SMIM23: variants seen among roughly 807,000 people sequenced by gnomAD.
The protein encoded by SMIM23 is small integral membrane protein 23, also known as CTB-78H18.1.
In SMIM23, 10 loss-of-function variants were observed where a neutral mutation model predicts 12.8. The observed-to-expected ratio is 0.78, with a 90% CI of 0.48 to 1.32. SMIM23 has a LOEUF of 1.32. Among genes scored for constraint, SMIM23 ranks in the 40% most tolerant of loss-of-function variants. SMIM23 has a pLI of 0.00. For missense variants in SMIM23, 184 were observed against 198.2 expected (o/e 0.93, Z 0.43); for synonymous variants, 78 against 80.1 (o/e 0.97, Z 0.14).
At chr5:171,781,722 CCA>C (rs1433760341), upstream of SMIM23, among the ~76,000 whole-genome samples, 2 of 152,118 alleles carry the variant, frequency 1.3e-5, no homozygotes, top group African/African-American at 4.8e-5. Flanking sequence ...GCATGAAATG[CCA>C]CACGCACCAA....
intron 1 of SMIM23, 69 bp from the exon 2 acceptor site, chr5:171,790,161 T>C: frequency 6.8e-7 from 1 of 1,464,146 alleles, no homozygotes; most frequent in South Asian, 1.2e-5. Context: ...CCCTTTGTGA[T>C]GGAAGCAGGG....
At chr5:171,781,545 C>A (rs1051214313), upstream of SMIM23, among the ~76,000 whole-genome samples, 2 of 133,648 alleles carry the variant, frequency 1.5e-5, no homozygotes, top group Admixed American at 7.0e-5. Context: ...GTGCCCCCCC[C>A]CGTCTCTAGA....
the SMIM23 span, among the ~76,000 whole-genome samples, chr5:171,775,174 T>C: frequency 2.0e-5 from 3 of 152,230 alleles, no homozygotes; most frequent in Non-Finnish European, 2.9e-5. Context: ...GAGCACCATG[T>C]GCCCGCCGCC....
In SMIM23 at chr5:171,790,974, G is replaced by A; in HGVS notation, c.405G>A (p.Glu135=). 6.5e-7 allele frequency: 1 copy of A among 1,536,048 alleles called. No homozygotes were observed. The highest frequency in any genetic ancestry group is 8.7e-7 in the Non-Finnish European group (1 of 1,146,912). The change falls in exon 4 of 4, where the codon GAG becomes GAA. Residue 135 remains glutamate, a synonymous_variant. Transcript: ENST00000523047. ...LDALLGEPHQ[E]EHCSTYKSHL... ...CTCTTCTGGGAGAGCCACACCAGGA[G>A]GAGCACTGCTCCACATATAAAAGTC...
rs756563452 is a variant in SMIM23, at chr5:171,791,010, G to A, written c.441G>A (p.Glu147=). The change falls in exon 4 of 4, where the codon GAG becomes GAA. Residue 147 remains glutamate, a synonymous_variant. Transcript: ENST00000523047. ...CCACATATAAAAGTCACTTGTGGGA[G>A]TGGGCCTGGGCCCTGGGGAGAGAGC... ...HCSTYKSHLW[E]WAWALGREHK... 115 of 1,535,176 alleles carry A rather than the reference G, an allele frequency of 7.5e-5. No individual in the cohort carries two copies. Among genetic ancestry groups the A allele is most frequent in the Middle Eastern group, 1.8e-4 (1 of 5,480 alleles).
At chr5:171,781,192 AG>A, upstream of SMIM23, among the ~76,000 whole-genome samples, 1 of 152,276 alleles carries the variant, frequency 6.6e-6, no homozygotes, top group Admixed American at 6.5e-5. Flanking sequence ...TTTAATGAAA[AG>A]CAGCCCCCAA....
chr5:171,773,456 T>C, the SMIM23 span, among the ~76,000 whole-genome samples: 1 of 137,490 alleles, frequency 7.3e-6, no homozygotes, highest in Non-Finnish European at 1.6e-5. Flanking sequence ...GTTAATCCAA[T>C]TAACAGATAA....
the SMIM23 span, among the ~76,000 whole-genome samples, chr5:171,777,392 C>A: frequency 6.6e-6 from 1 of 151,418 alleles, no homozygotes; most frequent in Non-Finnish European, 1.5e-5. Context: ...GTTTTTTTTT[C>A]CTTTTTGGTC....
the SMIM23 span, among the ~76,000 whole-genome samples, chr5:171,773,212 T>C: frequency 6.6e-6 from 1 of 152,182 alleles, no homozygotes; most frequent in Non-Finnish European, 1.5e-5. Flanking sequence ...ACTTTCCTCA[T>C]CTGTAGAATG....
At chr5:171,781,840 C>A (rs1755733106), upstream of SMIM23, among the ~76,000 whole-genome samples, 1 of 152,084 alleles carries the variant, frequency 6.6e-6, no homozygotes, top group African/African-American at 2.4e-5. Flanking sequence ...ATTGTAAAAG[C>A]ACCAATCAGC....
chr5:171,785,779 T>C, upstream of SMIM23: 1 of 995,228 alleles, frequency 1.0e-6, no homozygotes, highest in Non-Finnish European at 1.5e-6. Flanking sequence ...GAACTCAATG[T>C]TTGCAGGATG....
chr5:171,781,542 C>CT (rs539315697), upstream of SMIM23, among the ~76,000 whole-genome samples: 117 of 149,994 alleles, frequency 7.8e-4, no homozygotes, highest in African/African-American at 2.8e-3. Flanking sequence ...GAAGTGCCCC[C>CT]CCCCGTCTCT....
At position 171,790,151 on chromosome 5, in the gene SMIM23, C is replaced by A. The variant is rs1755895323; in HGVS notation, c.106-79C>A. 5 of 1,376,054 alleles carry A rather than the reference C, an allele frequency of 3.6e-6. No homozygotes were observed. In the Admixed American group the frequency reaches 5.9e-5, roughly 16 times the overall value. 85.2% of individuals were successfully genotyped at this position (1,376,054 alleles called of 1,614,324 possible). A position where few individuals can be genotyped will look rare whatever the true frequency, so the allele number is the denominator to read the frequency against. On this transcript the variant is annotated intron_variant, in intron 1 of 3. Transcript: ENST00000523047. ...GTCTTATAAGCATTCCCATGTCTGG[C>A]CCTTTGTGATGGAAGCAGGGGGACC...
At chr5:171,775,612 G>A in the SMIM23 span, among the ~76,000 whole-genome samples, 16 of 152,158 alleles carry the variant, frequency 1.1e-4, no homozygotes, top group Non-Finnish European at 1.9e-4. Context: ...TAAGAACTCA[G>A]GCCCTGGAGT....
upstream of SMIM23, among the ~76,000 whole-genome samples, chr5:171,778,447 TCACACACA>T (rs4041455): frequency 0.073 from 10,343 of 141,508 alleles, 400 homozygotes; most frequent in Non-Finnish European, 0.086. Context: ...TGGGAAAATT[TCACACACA>T]CACACACACA....
chr5:171,776,480 C>T, the SMIM23 span, among the ~76,000 whole-genome samples: 1 of 152,284 alleles, frequency 6.6e-6, no homozygotes, highest in South Asian at 2.1e-4. Flanking sequence ...AAAAACCCCG[C>T]GTTCAACCAG....
chr5:171,773,748 T>C, the SMIM23 span: 1 of 455,852 alleles, frequency 2.2e-6, no homozygotes, highest in African/African-American at 2.0e-5. Context: ...TTCAGGCAAG[T>C]GTTGGCATGC....
At chr5:171,779,703 G>A (rs1755694311), upstream of SMIM23, among the ~76,000 whole-genome samples, 1 of 152,116 alleles carries the variant, frequency 6.6e-6, no homozygotes, top group Admixed American at 6.5e-5. Flanking sequence ...ACATTACTGG[G>A]AGAATTAAAT....
chr5:171,776,360 C>A, the SMIM23 span, among the ~76,000 whole-genome samples: 22 of 152,138 alleles, frequency 1.4e-4, no homozygotes, highest in African/African-American at 5.1e-4. Flanking sequence ...GCACATGTAA[C>A]CACCCCTTCA....
Sources: allele counts gnomAD v4.1 joint callset (sites outside exome capture counted in the v4.1 genomes callset), GRCh38; gene constraint gnomAD v4.1.1; transcripts MANE v1.5; gene names NCBI Gene and HGNC (gene_info 2026-07-23, HGNC 2026-07-21).